SCTR: variants seen among roughly 807,000 people sequenced by gnomAD.
SCTR encodes pancreatic secretin receptor.
Under a neutral mutation model 60.8 loss-of-function variants are expected in SCTR, and 56 were observed. The observed-to-expected ratio is 0.92, with a 90% CI of 0.74 to 1.15. The LOEUF is 1.15. Among genes scored for constraint, SCTR ranks in the 50% most tolerant of loss-of-function variants. The pLI is 0.00. For missense variants in SCTR, 562 were observed against 550.4 expected (o/e 1.02, Z -0.21); for synonymous variants, 202 against 217.0 (o/e 0.93, Z 0.61).
At chr2:119,449,959 A>AGGAG (rs1184363694) in intron 9 of SCTR, among the ~76,000 whole-genome samples, 1 of 88,618 alleles carries the variant, frequency 1.1e-5, no homozygotes, top group African/African-American at 5.6e-5. Flanking sequence ...GAAGGAAGGA[A>AGGAG]GGAGGGAGGG....
At chr2:119,509,291 G>A (rs1474600068) in intron 1 of SCTR, among the ~76,000 whole-genome samples, 1 of 152,220 alleles carries the variant, frequency 6.6e-6, no homozygotes, top group Non-Finnish European at 1.5e-5. Flanking sequence ...TAAATGCCAA[G>A]AGGGAAATAA....
chr2:119,519,226 C>T (rs1233452315), intron 1 of SCTR, among the ~76,000 whole-genome samples: 3 of 152,076 alleles, frequency 2.0e-5, no homozygotes, highest in East Asian at 1.9e-4. Flanking sequence ...CCACCCGCCT[C>T]GGCCTCCCAA....
Position 119,507,765 on chromosome 2 carries a change from G to A in SCTR, c.73-13217C>T, listed in dbSNP as rs1379293020. On this transcript the variant is annotated intron_variant, in intron 1 of 12. Coordinates refer to ENST00000019103, the MANE Select transcript of SCTR (RefSeq NM_002980.3). ...ACGATCTTGGCTCACTGCAACCTCT[G>A]CCTCCCAGGTTCAAGCGACTCTCCT... is the stretch of plus-strand genomic sequence containing the variant. Among the ~76,000 whole-genome samples the A allele has an allele frequency of 2.1e-5, 3 of 140,440 alleles. No individual in the cohort carries two copies. In the South Asian group the frequency reaches 6.7e-4, roughly 32 times the overall value. 92.1% of individuals were successfully genotyped at this position (140,440 alleles called of 152,430 possible).
intron 7 of SCTR, among the ~76,000 whole-genome samples, chr2:119,459,799 G>A (rs1683527233): frequency 1.3e-5 from 2 of 152,198 alleles, no homozygotes; most frequent in African/African-American, 4.8e-5. Context: ...CCTGAACACA[G>A]GAAGTGCTCA....
intron 2 of SCTR, among the ~76,000 whole-genome samples, chr2:119,485,129 G>A (rs180928769): frequency 6.6e-5 from 10 of 152,388 alleles, no homozygotes; most frequent in African/African-American, 2.4e-4. Flanking sequence ...CCCTGAACGT[G>A]GTGGTGCTAC....
intron 1 of SCTR, among the ~76,000 whole-genome samples, chr2:119,516,895 G>A (rs1344015514): frequency 1.3e-5 from 2 of 152,204 alleles, no homozygotes; most frequent in Non-Finnish European, 2.9e-5. Flanking sequence ...TTGAACCCGG[G>A]AGGCAGAGGT....
intron 10 of SCTR, among the ~76,000 whole-genome samples, chr2:119,447,091 T>C (rs1327291480): frequency 6.6e-6 from 1 of 152,120 alleles, no homozygotes; most frequent in East Asian, 1.9e-4. Flanking sequence ...TTTTGACTCA[T>C]GGCAAAGCCC....
intron 1 of SCTR, 24 bp downstream of exon 1, chr2:119,524,131 C>A: frequency 6.5e-7 from 1 of 1,539,882 alleles, no homozygotes; most frequent in Non-Finnish European, 8.8e-7. Context: ...GGGTCCCCAG[C>A]CTGCAGAAGG....
chr2:119,454,464 T>TCA lies in SCTR; in HGVS notation c.791-1118_791-1117insTG, dbSNP rs139155242. Among the ~76,000 whole-genome samples, 1,517 of 152,148 alleles carry TCA rather than the reference T, an allele frequency of 1.0e-2. 22 individuals are homozygous for TCA. The highest frequency in any genetic ancestry group is 0.034 in the African/African-American group (1,428 of 41,496). ...TGACAGTCTACACCAGCGCTCAAGG[T>TCA]GGCTCTTGAGCACCTGGTATGTGGC... On this transcript the variant is annotated intron_variant, in intron 7 of 12. Coordinates refer to ENST00000019103, the MANE Select transcript of SCTR (RefSeq NM_002980.3).
chr2:119,523,153 C>T (rs1036295034), intron 1 of SCTR, among the ~76,000 whole-genome samples: 1 of 152,108 alleles, frequency 6.6e-6, no homozygotes, highest in Non-Finnish European at 1.5e-5. Flanking sequence ...GTTGGGTCCC[C>T]AAGCGCGTTC....
At chr2:119,459,494 T>TTTG in intron 7 of SCTR, among the ~76,000 whole-genome samples, 1 of 152,090 alleles carries the variant, frequency 6.6e-6, no homozygotes, top group Non-Finnish European at 1.5e-5. Context: ...ATGAAATCAG[T>TTTG]ATAATTTCAA....
intron 1 of SCTR, among the ~76,000 whole-genome samples, chr2:119,517,045 C>CCA (rs58865201): frequency 0.24 from 35,614 of 151,380 alleles, 5,230 homozygotes; most frequent in East Asian, 0.79. Flanking sequence ...GGTGCTCTTA[C>CCA]CACACACACA....
chr2:119,476,532 G>A (rs1677320667), intron 3 of SCTR: 1 of 152,278 alleles, frequency 6.6e-6, no homozygotes, highest in African/African-American at 2.4e-5. Flanking sequence ...TCCAAGGGTA[G>A]GGGAGCCTCA....
At chr2:119,490,608 A>G (rs1678076836) in intron 2 of SCTR, among the ~76,000 whole-genome samples, 1 of 152,094 alleles carries the variant, frequency 6.6e-6, no homozygotes, top group Non-Finnish European at 1.5e-5. Flanking sequence ...CAAGTCAAAC[A>G]CCTGGGGGCC....
intron 1 of SCTR, among the ~76,000 whole-genome samples, chr2:119,519,217 C>T (rs1159986133): frequency 6.6e-6 from 1 of 152,088 alleles, no homozygotes; most frequent in Admixed American, 6.5e-5. Context: ...TCAGGTGATC[C>T]ACCCGCCTCG....
At chr2:119,447,639 G>A (rs1046538846) in intron 10 of SCTR, among the ~76,000 whole-genome samples, 4 of 152,214 alleles carry the variant, frequency 2.6e-5, no homozygotes, top group South Asian at 2.1e-4. Flanking sequence ...TGGCGCAATC[G>A]CGGCTCACTG....
chr2:119,505,491 T>A lies in SCTR; in HGVS notation c.73-10943A>T, dbSNP rs556806844. On this transcript the variant is annotated intron_variant, in intron 1 of 12. Coordinates refer to ENST00000019103, the MANE Select transcript of SCTR (RefSeq NM_002980.3). The stretch of plus-strand genomic sequence containing the variant: ...GTATAATAAAAAAAAGAAAAAAAAA[T>A]GTGGCACATATACACCATGGAATAC... Among the ~76,000 whole-genome samples, 134 of 145,080 alleles carry A rather than the reference T, an allele frequency of 9.2e-4. 1 individual carries two copies. The South Asian group carries it at 0.029, about 31-fold the overall frequency.
chr2:119,470,674 T>C (rs1019100210), intron 4 of SCTR, among the ~76,000 whole-genome samples: 3 of 152,206 alleles, frequency 2.0e-5, no homozygotes, highest in African/African-American at 7.2e-5. Flanking sequence ...TACTGATTAG[T>C]GTAAACCAAC....
intron 1 of SCTR, among the ~76,000 whole-genome samples, chr2:119,498,827 T>C (rs1162986051): frequency 6.6e-6 from 1 of 151,806 alleles, no homozygotes; most frequent in Non-Finnish European, 1.5e-5. Context: ...AATAAAAATC[T>C]TAGAGAACAA....
Sources: gnomAD v4.1 joint callset for allele counts (sites outside exome capture counted in the v4.1 genomes callset) on GRCh38, gnomAD v4.1.1 for gene constraint, MANE v1.5 for transcripts, NCBI Gene and HGNC (gene_info 2026-07-23, HGNC 2026-07-21) for gene names.